Variants in AHNAK observed in about 807,000 individuals in gnomAD.
AHNAK encodes the protein neuroblast differentiation-associated protein AHNAK.
A neutral mutation model predicts 37.8 loss-of-function variants in AHNAK; 23 were observed. That is an observed-to-expected ratio of 0.61 (90% CI 0.44 to 0.86). The LOEUF is 0.86. Among genes scored for constraint, AHNAK ranks in the 40% least tolerant of loss-of-function variants. The pLI is 0.00. For missense variants in AHNAK, 7,411 were observed against 7,319.4 expected (o/e 1.01, Z -0.46); for synonymous variants, 2,481 against 2,636.3 (o/e 0.94, Z 1.80).
At chr11:62,501,529 T>G (rs1025187132) in intron 4 of AHNAK, among the ~76,000 whole-genome samples, 1 of 152,208 alleles carries the variant, frequency 6.6e-6, no homozygotes, top group Non-Finnish European at 1.5e-5. Flanking sequence ...ATCGCGCCAC[T>G]GCACTTCAGC....
chr11:62,543,097 G>C (rs567036102), intron 1 of AHNAK, among the ~76,000 whole-genome samples: 1 of 152,258 alleles, frequency 6.6e-6, no homozygotes, highest in South Asian at 2.1e-4. Flanking sequence ...GCCCCCGGGG[G>C]ACCGGGCAGG....
intron 1 of AHNAK, among the ~76,000 whole-genome samples, chr11:62,546,381 C>A (rs985304261): frequency 3.3e-5 from 5 of 152,214 alleles, no homozygotes; most frequent in Admixed American, 2.6e-4. Context: ...TGCAGTGGAG[C>A]CAACAGTCCG....
rs1025215558 is a variant in AHNAK at position 62,529,291 on chromosome 11, T to A, written c.5126A>T (p.His1709Leu). The change falls in exon 5 of 5, where the codon CAC (histidine) becomes CTC (leucine). Residue 1709 changes from histidine (H) to leucine (L), a missense_variant. Physicochemically the swap from His to Leu is moderately conservative, Grantham distance 99 (BLOSUM62 -3). Coordinates refer to ENST00000378024, the MANE Select transcript of AHNAK (RefSeq NM_001620.3). ...CATTTTCATCTTGGGCATTTTCAGG[T>A]GCCAATCTGGGTCGTGAACCTCCAC... ...PDVEVHDPDW[H>L]LKMPKMKMPK... is the part of the protein sequence containing the mutation. 2 of 1,614,004 alleles carry A rather than the reference T, an allele frequency of 1.2e-6. No individual in the cohort carries two copies. Among genetic ancestry groups the A allele is most frequent in the African/African-American group, 2.7e-5 (2 of 74,902 alleles).
intron 5 of AHNAK, among the ~76,000 whole-genome samples, chr11:62,442,436 T>TA (rs1289947380): frequency 1.2e-4 from 18 of 152,204 alleles, no homozygotes; most frequent in African/African-American, 4.1e-4. Flanking sequence ...TAGTCCCAGC[T>TA]ACTTAGGAGA....
Position 62,518,693 on chromosome 11 carries a change from C to T in AHNAK, c.15724G>A (p.Gly5242Ser), listed in dbSNP as rs116243978. The change falls in exon 5 of 5, where the codon GGC (glycine) becomes AGC (serine). Residue 5242 changes from glycine to serine, a missense_variant. Transcript: ENST00000378024. ...CCCTCCATTTTCACACCTGGGATGC[C>T]GATCTTGGGCATGGAAAACTTGGGG... ...KFPKFSMPKI[G>S]IPGVKMEGGG... is the part of the protein sequence containing the mutation. The T allele has an allele frequency of 2.5e-5, 41 of 1,614,094 alleles. No individual in the cohort carries two copies. Among genetic ancestry groups the T allele is most frequent in the Non-Finnish European group, 3.1e-5 (37 of 1,179,992 alleles).
At chr11:62,481,420 T>A (rs1939270906) in intron 5 of AHNAK, among the ~76,000 whole-genome samples, 1 of 151,674 alleles carries the variant, frequency 6.6e-6, no homozygotes, top group African/African-American at 2.4e-5. Flanking sequence ...GGCTTCCCCT[T>A]TCTTCCATTT....
At chr11:62,502,334 C>T (rs537264520) in intron 4 of AHNAK, among the ~76,000 whole-genome samples, 14 of 152,294 alleles carry the variant, frequency 9.2e-5, no homozygotes, top group African/African-American at 2.9e-4. Flanking sequence ...CTTCAGCAAC[C>T]GTTTATTAGA....
chr11:62,447,643 C>T (rs918991314), intron 5 of AHNAK, among the ~76,000 whole-genome samples: 1 of 148,096 alleles, frequency 6.8e-6, no homozygotes, highest in African/African-American at 2.4e-5. Flanking sequence ...CCCAAGCTGA[C>T]ATAGCCCTCC....
In AHNAK at chr11:62,517,411, G is replaced by C. The variant is rs1380870472; in HGVS notation, c.17006C>G (p.Ser5669Cys). 6.2e-7 allele frequency: 1 copy of C among 1,614,176 alleles called. No homozygotes were observed. The highest frequency in any genetic ancestry group is 8.5e-7 in the Non-Finnish European group (1 of 1,180,028). The change falls in exon 5 of 5, where the codon TCT becomes TGT. Residue 5669 changes from serine (S) to cysteine (C), a missense_variant. By Grantham distance (112) the Ser-to-Cys change is moderately radical. Transcript: ENST00000378024. Reference sequence around the variant, plus strand: ...TTCTCTGCCAACCAGCTCACGGCCAGAGAAGGTAAATTTGGGGATCTTCAT... The same window carrying C: ...TTCTCTGCCAACCAGCTCACGGCCACAGAAGGTAAATTTGGGGATCTTCAT... ...PKMKIPKFTF[S>C]GRELVGREMG...
intron 4 of AHNAK, among the ~76,000 whole-genome samples, chr11:62,503,727 A>C (rs1782485363): frequency 6.6e-6 from 1 of 151,574 alleles, no homozygotes; most frequent in African/African-American, 2.4e-5. Flanking sequence ...CCTTTTGATA[A>C]ACAGTAACAT....
intron 5 of AHNAK, among the ~76,000 whole-genome samples, chr11:62,436,024 C>T (rs1371350377): frequency 6.6e-6 from 1 of 152,186 alleles, no homozygotes; most frequent in Admixed American, 6.6e-5. Flanking sequence ...ACCCAAGAGC[C>T]TCACTGTTTA....
At chr11:62,435,579 A>AT (rs1263143294) in intron 5 of AHNAK, among the ~76,000 whole-genome samples, 1 of 151,828 alleles carries the variant, frequency 6.6e-6, no homozygotes, top group Non-Finnish European at 1.5e-5. Flanking sequence ...CGCCCGGCTA[A>AT]TTTTTTTGTA....
intron 4 of AHNAK, among the ~76,000 whole-genome samples, chr11:62,505,906 G>A (rs1939802484): frequency 6.6e-6 from 1 of 151,654 alleles, no homozygotes; most frequent in Admixed American, 6.6e-5. Context: ...AAGCGGTCCG[G>A]GCCGGGTGCG....
Position 62,532,719 on chromosome 11 carries a change from G to A in AHNAK, c.1698C>T (p.Thr566=), listed in dbSNP as rs1481516406. 1 of 1,613,964 alleles carries A rather than the reference G, an allele frequency of 6.2e-7. No individual in the cohort carries two copies. Among genetic ancestry groups the A allele is most frequent in the Non-Finnish European group, 8.5e-7 (1 of 1,179,984 alleles). ...CTACTTCTGACATAGAGATCCTACA[G>A]GTTCCGGTTTTCCCGGAAGGACTGC... ...RLGSPSGKTG[T]CRISMSEVDL... The change falls in exon 5 of 5, where the codon ACC becomes ACT. Residue 566 remains threonine (T), a synonymous_variant. Transcript: ENST00000378024.
In AHNAK at chr11:62,521,910, T is replaced by G. The variant is rs1401133903; in HGVS notation, c.12507A>C (p.Lys4169Asn). The G allele has an allele frequency of 8.7e-6, 14 of 1,613,254 alleles. No homozygotes were observed. The South Asian group carries it at 1.5e-4, about 18-fold the overall frequency. The change falls in exon 5 of 5, where the codon AAA becomes AAC. Residue 4169 changes from lysine to asparagine, a missense_variant. Transcript: ENST00000378024. The part of the protein sequence containing the change: ...KGPEVDIKGP[K>N]VDIDVPDVDV... ...CCACATCTGGGACATCAATGTCCAC[T>G]TTGGGGCCCTTGATGTCAACTTCAG...
In AHNAK at chr11:62,531,611, T is replaced by C. The variant is rs1170297757; in HGVS notation, c.2806A>G (p.Met936Val). ...GGGGCCTTGATATTCATCTCTGGCA[T>C]CTTGAACTTGGGGCCCTTCAGCTTT... ...EGKLKGPKFKMPEMNIKAPKI... is the reference protein window; with the variant it reads ...EGKLKGPKFKVPEMNIKAPKI... Residue 936 changes from methionine to valine, a missense_variant, in exon 5 of 5, where the codon ATG becomes GTG. Coordinates refer to ENST00000378024, the MANE Select transcript of AHNAK (RefSeq NM_001620.3). The C allele has an allele frequency of 2.5e-6, 4 of 1,613,550 alleles. No homozygotes were observed. The Admixed American group carries it at 6.7e-5, about 27-fold the overall frequency.
chr11:62,525,228 T>C lies in AHNAK; in HGVS notation c.9189A>G (p.Pro3063=). 2 of 1,610,318 alleles carry C rather than the reference T, an allele frequency of 1.2e-6. No homozygotes were observed. The highest frequency in any genetic ancestry group is 4.5e-5 in the East Asian group (2 of 44,570). ...VSGPKVDIDV[P]DVNIEGPEGK... ...CCTCTGGGCCTTCGATATTCACATC[T>C]GGAACATCAATGTCCACCTTGGGTC... The change falls in exon 5 of 5, where the codon CCA becomes CCG. Residue 3063 remains proline (P), a synonymous_variant. Coordinates refer to ENST00000378024, the MANE Select transcript of AHNAK (RefSeq NM_001620.3).
At position 62,522,590 on chromosome 11, in the gene AHNAK, G is replaced by C. The variant is rs147762360; in HGVS notation, c.11827C>G (p.Pro3943Ala). The C allele has an allele frequency of 1.5e-4, 246 of 1,611,746 alleles. No individual in the cohort carries two copies. Among genetic ancestry groups the C allele is most frequent in the Non-Finnish European group, 1.9e-4 (220 of 1,179,560 alleles). ...PKIKMPKISM[P>A]GFKGEGPEVD... ...TCTGGACCTTCTCCTTTGAAGCCAGGCATGCTGATCTTGGGCATTTTTATC... is the reference window on the plus strand; with the variant it reads ...TCTGGACCTTCTCCTTTGAAGCCAGCCATGCTGATCTTGGGCATTTTTATC... The change falls in exon 5 of 5, where the codon CCT (proline) becomes GCT (alanine). Residue 3943 changes from proline (P) to alanine (A), a missense_variant. Physicochemically the swap from Pro to Ala is conservative, Grantham distance 27. Coordinates refer to ENST00000378024, the MANE Select transcript of AHNAK (RefSeq NM_001620.3).
chr11:62,522,748 T>A lies in AHNAK; in HGVS notation c.11669A>T (p.Asp3890Val). 1 of 1,613,384 alleles carries A rather than the reference T, an allele frequency of 6.2e-7. No individual in the cohort carries two copies. The highest frequency in any genetic ancestry group is 8.5e-7 in the Non-Finnish European group (1 of 1,179,886). ...LNLKGPKVKG[D>V]MDVSLPKVEG... The stretch of plus-strand genomic sequence containing the variant: ...CACTTTTGGCAGAGACACATCCATA[T>A]CACCCTTCACTTTGGGTCCTTTCAG... Residue 3890 changes from aspartate (D) to valine (V), a missense_variant, in exon 5 of 5, where the codon GAT becomes GTT. Physicochemically the swap from Asp to Val is radical, Grantham distance 152. Transcript: ENST00000378024.
Sources: gnomAD v4.1 joint callset for allele counts (sites outside exome capture counted in the v4.1 genomes callset) on GRCh38, gnomAD v4.1.1 for gene constraint, MANE v1.5 for transcripts, NCBI Gene and HGNC (gene_info 2026-07-23, HGNC 2026-07-21) for gene names.